HTR1F: variants seen among roughly 807,000 people sequenced by gnomAD.
HTR1F encodes 5-hydroxytryptamine (serotonin) receptor 1F, G protein-coupled.
Under a neutral mutation model 24.0 loss-of-function variants are expected in HTR1F, and 17 were observed. The observed-to-expected ratio is 0.71, with a 90% confidence interval of 0.48 to 1.06. The LOEUF (loss-of-function observed/expected upper bound fraction) is 1.06. HTR1F is among the 50% of genes least tolerant of loss of function. HTR1F has a pLI of 0.00. For missense variants in HTR1F, 391 were observed against 427.8 expected (o/e 0.91, Z 0.76); for synonymous variants, 186 against 156.8 (o/e 1.19, Z -1.39).
chr3:87,857,790 G>A (rs1209119085), intron 2 of HTR1F, among the ~76,000 whole-genome samples: 1 of 152,094 alleles, frequency 6.6e-6, no homozygotes, highest in Non-Finnish European at 1.5e-5. Flanking sequence ...GGTGTTGTAC[G>A]TTCTATGGAT....
chr3:87,934,042 T>A (rs1704351990), intron 2 of HTR1F, among the ~76,000 whole-genome samples: 1 of 152,194 alleles, frequency 6.6e-6, no homozygotes, highest in Non-Finnish European at 1.5e-5. Flanking sequence ...TGTCACTTCA[T>A]AATATCTGGT....
chr3:87,905,725 C>A (rs1341693537), intron 2 of HTR1F, among the ~76,000 whole-genome samples: 2 of 124,178 alleles, frequency 1.6e-5, no homozygotes, highest in Non-Finnish European at 1.6e-5. Context: ...TCTCTAAATA[C>A]TTTATTTAGC....
At chr3:87,852,880 A>C (rs1445667334) in intron 2 of HTR1F, among the ~76,000 whole-genome samples, 1 of 151,528 alleles carries the variant, frequency 6.6e-6, no homozygotes, top group Non-Finnish European at 1.5e-5. Context: ...AAAAATCAGA[A>C]TATTTCATTG....
At chr3:87,899,163 G>A (rs1706267339) in intron 2 of HTR1F, among the ~76,000 whole-genome samples, 1 of 152,018 alleles carries the variant, frequency 6.6e-6, no homozygotes, top group African/African-American at 2.4e-5. Flanking sequence ...ACTGTCCTTT[G>A]ACAATGCTAG....
intron 2 of HTR1F, among the ~76,000 whole-genome samples, chr3:87,922,497 G>C (rs1301347042): frequency 2.0e-5 from 3 of 151,842 alleles, no homozygotes; most frequent in Non-Finnish European, 4.4e-5. Context: ...TACCTTTGCT[G>C]TGCAGATGTT....
At chr3:87,907,663 G>A (rs1357299028) in intron 2 of HTR1F, among the ~76,000 whole-genome samples, 1 of 151,854 alleles carries the variant, frequency 6.6e-6, no homozygotes, top group Admixed American at 6.6e-5. Context: ...AAGGTATATA[G>A]GAAAGTCGTT....
chr3:87,917,989 A>C (rs187528105), intron 2 of HTR1F, among the ~76,000 whole-genome samples: 5 of 152,196 alleles, frequency 3.3e-5, no homozygotes, highest in Admixed American at 2.6e-4. Context: ...CTGTCTAACG[A>C]ATCCAACAAC....
At position 87,993,158 on chromosome 3, in the gene HTR1F, T is replaced by C. The variant is rs946585005; in HGVS notation, c.*1308T>C. ...TTTGAAAAACAATATATACCTTTTT[T>C]TAAGTTGTACATTTATGTGCATTGT... On this transcript the variant is annotated 3_prime_UTR_variant, in exon 3 of 3. Transcript: ENST00000319595. 6 of 166,902 alleles carry C rather than the reference T, an allele frequency of 3.6e-5. No individual in the cohort carries two copies. Among genetic ancestry groups the C allele is most frequent in the African/African-American group, 1.4e-4 (6 of 41,408 alleles). 10.3% of individuals were successfully genotyped at this position (166,902 alleles called of 1,614,324 possible).
chr3:87,948,350 T>C lies in HTR1F; in HGVS notation c.-42-42358T>C, dbSNP rs72915646. On this transcript the variant is annotated intron_variant, in intron 2 of 2. Transcript: ENST00000319595. The stretch of plus-strand genomic sequence containing the variant: ...AGAATAAAGAGGCTCCAAGACATTG[T>C]ATTTTATTGTATCTAAAAATGTATT... 4.5e-3 allele frequency among the ~76,000 whole-genome samples: 689 copies of C among 152,342 alleles called. 1 individual carries two copies. The highest frequency in any genetic ancestry group is 0.016 in the African/African-American group (666 of 41,572).
chr3:87,937,105 A>G (rs1415850855), intron 2 of HTR1F, among the ~76,000 whole-genome samples: 2 of 144,128 alleles, frequency 1.4e-5, no homozygotes, highest in African/African-American at 2.6e-5. Context: ...AAAAAAGAGG[A>G]CGGACTCCTC....
chr3:87,949,933 G>T (rs1704796561), intron 2 of HTR1F, among the ~76,000 whole-genome samples: 1 of 152,174 alleles, frequency 6.6e-6, no homozygotes, highest in Admixed American at 6.5e-5. Context: ...TTAACTGATG[G>T]TTCTGCAGGC....
intron 2 of HTR1F, among the ~76,000 whole-genome samples, chr3:87,851,579 T>G (rs190068166): frequency 6.6e-6 from 1 of 151,830 alleles, no homozygotes; most frequent in East Asian, 1.9e-4. Flanking sequence ...TCAGGCCAAC[T>G]ATGCTAACTC....
chr3:87,807,181 G>C (rs1156950289), intron 1 of HTR1F, among the ~76,000 whole-genome samples: 1 of 151,918 alleles, frequency 6.6e-6, no homozygotes, highest in Non-Finnish European at 1.5e-5. Flanking sequence ...TTGGTATTTT[G>C]ATAGAGATTA....
chr3:87,824,224 C>T (rs912500986), intron 2 of HTR1F, among the ~76,000 whole-genome samples: 1 of 152,084 alleles, frequency 6.6e-6, no homozygotes, highest in African/African-American at 2.4e-5. Flanking sequence ...AAACTTGTTC[C>T]TCCACAAGTC....
At chr3:87,917,275 C>A (rs1041137204) in intron 2 of HTR1F, among the ~76,000 whole-genome samples, 2 of 150,650 alleles carry the variant, frequency 1.3e-5, no homozygotes, top group Non-Finnish European at 3.0e-5. Context: ...AGAGCACAGA[C>A]AATCTAAGGT....
chr3:87,932,890 G>C (rs1704316712), intron 2 of HTR1F, among the ~76,000 whole-genome samples: 1 of 151,368 alleles, frequency 6.6e-6, no homozygotes, highest in African/African-American at 2.4e-5. Context: ...GCCAGGCAGA[G>C]ACACAACCAA....
chr3:87,910,279 G>T (rs532742798), intron 2 of HTR1F: 1 of 151,886 alleles, frequency 6.6e-6, no homozygotes, highest in Non-Finnish European at 1.5e-5. Flanking sequence ...AGAGGCCCTC[G>T]GGCATGACAA....
intron 1 of HTR1F, among the ~76,000 whole-genome samples, chr3:87,812,911 G>C (rs1364796105): frequency 6.6e-6 from 1 of 151,108 alleles, no homozygotes. Context: ...GCAGAGTCAA[G>C]AAGTCAAGAA....
rs541243543 is a variant in HTR1F, at chr3:87,982,623, C to T, written c.-42-8085C>T. 2.2e-3 allele frequency among the ~76,000 whole-genome samples: 330 copies of T among 152,280 alleles called. No homozygotes were observed. The highest frequency in any genetic ancestry group is 3.9e-3 in the Non-Finnish European group (267 of 68,024). ...AGAGCAGAGTCAAGAGCCTGGAGGG[C>T]GTTTCAAGAGCCGTGGAGTGCAGTG... On this transcript the variant is annotated intron_variant, in intron 2 of 2. Transcript: ENST00000319595.
Sources: allele counts gnomAD v4.1 joint callset (sites outside exome capture counted in the v4.1 genomes callset), GRCh38; gene constraint gnomAD v4.1.1; transcripts MANE v1.5; gene names NCBI Gene and HGNC (gene_info 2026-07-23, HGNC 2026-07-21).